The following ARK2N variants were observed in gnomAD, a reference collection of about 807,000 sequenced individuals.
ARK2N encodes arkadia (RNF111) N-terminal like PKA signaling regulator 2N, also known as protein ARK2N.
At chr18:46,234,733 A>G in the ARK2N span, among the ~76,000 whole-genome samples, 1 of 152,058 alleles carries the variant, frequency 6.6e-6, no homozygotes, top group Non-Finnish European at 1.5e-5. Flanking sequence ...GAGGCTAAGT[A>G]TGATGTTTAC....
chr18:46,266,068 A>G, the ARK2N span: 2 of 152,214 alleles, frequency 1.3e-5, no homozygotes, highest in East Asian at 3.9e-4. Flanking sequence ...TGAATAATGC[A>G]TTCTTTTTTA....
the ARK2N span, among the ~76,000 whole-genome samples, chr18:46,258,968 T>G: frequency 6.6e-6 from 1 of 152,092 alleles, no homozygotes; most frequent in Non-Finnish European, 1.5e-5. Flanking sequence ...AGTTGAAATA[T>G]TTCTCTAGCA....
At chr18:46,192,337 G>T in the ARK2N span, among the ~76,000 whole-genome samples, 1 of 152,086 alleles carries the variant, frequency 6.6e-6, no homozygotes, top group Non-Finnish European at 1.5e-5. Flanking sequence ...AATATGGGAG[G>T]CTAAGGTGGG....
the ARK2N span, among the ~76,000 whole-genome samples, chr18:46,222,739 C>G: frequency 2.0e-5 from 3 of 152,190 alleles, no homozygotes; most frequent in South Asian, 6.2e-4. Flanking sequence ...GTTTTAAGTT[C>G]GTAGCAAAAT....
At chr18:46,228,525 T>C in the ARK2N span, among the ~76,000 whole-genome samples, 1 of 152,218 alleles carries the variant, frequency 6.6e-6, no homozygotes, top group African/African-American at 2.4e-5. Context: ...AAGAGCTCTG[T>C]AGATTTTTTT....
At chr18:46,199,313 T>A in the ARK2N span, among the ~76,000 whole-genome samples, 1 of 151,836 alleles carries the variant, frequency 6.6e-6, no homozygotes, top group Non-Finnish European at 1.5e-5. Context: ...TTTTTAAAAA[T>A]TATTTTATTT....
the ARK2N span, among the ~76,000 whole-genome samples, chr18:46,201,676 G>GT: frequency 7.9e-5 from 12 of 151,258 alleles, no homozygotes; most frequent in African/African-American, 2.4e-4. Context: ...GTTGGCAGGT[G>GT]TTTTTTTTCC....
At chr18:46,216,783 A>G in the ARK2N span, 1 of 568,138 alleles carries the variant, frequency 1.8e-6, no homozygotes, top group Non-Finnish European at 3.1e-6. This position sits in a 1 kb window ranked among gnomAD's most constrained non-coding sequence, Gnocchi z 4.3. Flanking sequence ...AGTGAACTTT[A>G]GCACATCAGG....
the ARK2N span, among the ~76,000 whole-genome samples, chr18:46,254,805 G>C: frequency 6.6e-6 from 1 of 152,108 alleles, no homozygotes; most frequent in South Asian, 2.1e-4. Context: ...CTGCTTTAAG[G>C]TATGTTCATA....
At chr18:46,216,516 T>A in the ARK2N span, 1 of 1,614,054 alleles carries the variant, frequency 6.2e-7, no homozygotes, top group Non-Finnish European at 8.5e-7. The surrounding 1 kb of genome is among the most constrained non-coding windows in gnomAD (Gnocchi z 4.3). Context: ...GTGACCTGAC[T>A]TGTGACTCAA....
At chr18:46,185,713 G>A in the ARK2N span, among the ~76,000 whole-genome samples, 3 of 152,266 alleles carry the variant, frequency 2.0e-5, no homozygotes, top group Admixed American at 6.5e-5. Context: ...AAGGCCGGGC[G>A]TGGTGGCTCA....
chr18:46,229,215 T>C, the ARK2N span, among the ~76,000 whole-genome samples: 2 of 150,182 alleles, frequency 1.3e-5, no homozygotes, highest in Admixed American at 1.3e-4. Flanking sequence ...TCTGAAGGAG[T>C]GTTGTTTTGA....
the ARK2N span, among the ~76,000 whole-genome samples, chr18:46,198,333 A>AG: frequency 3.7e-5 from 5 of 136,718 alleles, no homozygotes; most frequent in African/African-American, 1.3e-4. Flanking sequence ...AAAAAAAAAA[A>AG]GAAGCTTGAC....
the ARK2N span, among the ~76,000 whole-genome samples, chr18:46,253,358 A>T: frequency 1.3e-5 from 2 of 152,186 alleles, no homozygotes; most frequent in African/African-American, 4.8e-5. Flanking sequence ...TACAGCATAA[A>T]ATATATAGAG....
At chr18:46,234,188 T>G in the ARK2N span, among the ~76,000 whole-genome samples, 1 of 152,214 alleles carries the variant, frequency 6.6e-6, no homozygotes, top group Admixed American at 6.5e-5. Flanking sequence ...ATTGGTATTT[T>G]TATTACTATT....
chr18:46,255,670 T>A, the ARK2N span, among the ~76,000 whole-genome samples: 1 of 151,822 alleles, frequency 6.6e-6, no homozygotes, highest in Non-Finnish European at 1.5e-5. Flanking sequence ...AGGCTGGTCT[T>A]GAACTCCTGA....
At chr18:46,207,156 A>G in the ARK2N span, among the ~76,000 whole-genome samples, 1 of 152,100 alleles carries the variant, frequency 6.6e-6, no homozygotes, top group Non-Finnish European at 1.5e-5. Flanking sequence ...CTCCTGTAAG[A>G]TTTTGTCCAC....
chr18:46,215,603 G>A, the ARK2N span, among the ~76,000 whole-genome samples: 1 of 152,060 alleles, frequency 6.6e-6, no homozygotes, highest in African/African-American at 2.4e-5. Context: ...TAATATTATG[G>A]CATTTTTAGT....
chr18:46,258,849 A>G, the ARK2N span, among the ~76,000 whole-genome samples: 1 of 152,166 alleles, frequency 6.6e-6, no homozygotes, highest in Non-Finnish European at 1.5e-5. Context: ...TCTTGCATCC[A>G]TTATAGGACC....
Sources: allele counts gnomAD v4.1 joint callset (sites outside exome capture counted in the v4.1 genomes callset), GRCh38; gene constraint gnomAD v4.1.1; non-coding constraint Gnocchi (gnomAD v3.1); transcripts MANE v1.5; gene names NCBI Gene and HGNC (gene_info 2026-07-23, HGNC 2026-07-21).